KCNN2: variants seen among roughly 807,000 people sequenced by gnomAD.
KCNN2 encodes potassium calcium-activated channel subfamily N member 2.
KCNN2 carries 24 observed loss-of-function variants against 55.5 expected under a neutral mutation model. The observed-to-expected ratio is 0.43, with a 90% CI of 0.31 to 0.61. The LOEUF is 0.61. Ranked by LOEUF, KCNN2 falls within the 20% of genes least tolerant of loss-of-function variation. The pLI, the probability that KCNN2 is intolerant of heterozygous loss-of-function variation, is 0.08. For synonymous variants in KCNN2, 431 were observed against 336.1 expected (o/e 1.28, Z -3.09); for missense variants, 754 against 853.6 (o/e 0.88, Z 1.45).
chr5:114,470,318 AC>A (rs1761664391), intron 4 of KCNN2, among the ~76,000 whole-genome samples: 1 of 151,978 alleles, frequency 6.6e-6, no homozygotes, highest in African/African-American at 2.4e-5. Flanking sequence ...GTAGTTAGGA[AC>A]CCCTCAGGTT....
In KCNN2 at chr5:114,362,464, G is replaced by C. The variant is rs974469144; in HGVS notation, c.325G>C (p.Gly109Arg). The change falls in exon 1 of 8, where the codon GGC becomes CGC. Residue 109 changes from glycine to arginine, a missense_variant. Gly to Arg is a moderately radical substitution (Grantham distance 125). Transcript: ENST00000673685. ...GACCCGCACCTCCTCGCCGCTGTCG[G>C]GCTCGTCCTGCTGCTGCTGCTGCTG... Reference protein sequence around the residue: ...FRTRTSSPLSGSSCCCCCCSS... With the variant: ...FRTRTSSPLSRSSCCCCCCSS... 12 of 425,270 alleles carry C rather than the reference G, an allele frequency of 2.8e-5. No individual in the cohort carries two copies. Among genetic ancestry groups the C allele is most frequent in the Non-Finnish European group, 4.1e-5 (10 of 241,586 alleles). The allele number at this position is 425,270 out of a possible 1,614,324, so 26.3% of individuals were successfully genotyped here. A position where few individuals can be genotyped will look rare whatever the true frequency, so the allele number is the denominator to read the frequency against.
intron 2 of KCNN2, among the ~76,000 whole-genome samples, chr5:114,296,834 A>G (rs1756020742): frequency 6.6e-6 from 1 of 152,190 alleles, no homozygotes; most frequent in Admixed American, 6.5e-5. Flanking sequence ...TTAAAATGTG[A>G]CAATATATAT....
chr5:114,386,502 G>C (rs1758292459), intron 2 of KCNN2, among the ~76,000 whole-genome samples: 1 of 152,050 alleles, frequency 6.6e-6, no homozygotes, highest in Non-Finnish European at 1.5e-5. Flanking sequence ...TAGTAAAATG[G>C]CTTTCTTTTT....
chr5:114,450,351 G>A (rs947238855), intron 3 of KCNN2, among the ~76,000 whole-genome samples: 4 of 152,284 alleles, frequency 2.6e-5, no homozygotes, highest in African/African-American at 9.6e-5. Flanking sequence ...TTTCCTCTTG[G>A]AGGAGCTCAC....
intron 1 of KCNN2, among the ~76,000 whole-genome samples, chr5:114,204,547 G>A (rs577955635): frequency 2.0e-5 from 3 of 152,288 alleles, no homozygotes; most frequent in East Asian, 1.9e-4. Flanking sequence ...AGTACTTGGT[G>A]GTTACCACTT....
intron 1 of KCNN2, among the ~76,000 whole-genome samples, chr5:114,112,346 A>T (rs7723490): frequency 6.6e-6 from 1 of 151,920 alleles, no homozygotes; most frequent in Non-Finnish European, 1.5e-5. Context: ...GGGGCTGGGG[A>T]AGGGATGGCA....
At chr5:114,379,247 C>T (rs766606850) in intron 2 of KCNN2, among the ~76,000 whole-genome samples, 3 of 151,916 alleles carry the variant, frequency 2.0e-5, no homozygotes, top group Non-Finnish European at 2.9e-5. Context: ...GCCCATCTCC[C>T]CACACACTTG....
At chr5:114,088,005 C>A (rs1009678740) in intron 1 of KCNN2, among the ~76,000 whole-genome samples, 2 of 151,996 alleles carry the variant, frequency 1.3e-5, no homozygotes, top group Non-Finnish European at 2.9e-5. Flanking sequence ...CAGATTCTAT[C>A]TGATATTTTT....
chr5:114,075,651 A>C (rs940654983), intron 1 of KCNN2, among the ~76,000 whole-genome samples: 6 of 152,188 alleles, frequency 3.9e-5, no homozygotes, highest in Non-Finnish European at 7.3e-5. Context: ...GGCCATTATA[A>C]ATCCTATTAT....
At chr5:114,483,846 C>T (rs1185686666) in intron 5 of KCNN2, among the ~76,000 whole-genome samples, 1 of 151,748 alleles carries the variant, frequency 6.6e-6, no homozygotes, top group Non-Finnish European at 1.5e-5. Context: ...TGTTTATTGG[C>T]CATAGAATTA....
intron 1 of KCNN2, among the ~76,000 whole-genome samples, chr5:114,101,331 G>A (rs1426330290): frequency 6.7e-6 from 1 of 149,844 alleles, no homozygotes; most frequent in East Asian, 2.0e-4. Flanking sequence ...GATTATATTG[G>A]TCCTGGTGCA....
At chr5:114,184,391 A>G (rs1218588929) in intron 1 of KCNN2, among the ~76,000 whole-genome samples, 1 of 152,188 alleles carries the variant, frequency 6.6e-6, no homozygotes, top group East Asian at 1.9e-4. Context: ...ACTTAAATCA[A>G]AATATCATAA....
At chr5:114,388,416 C>T (rs898386051) in intron 2 of KCNN2, among the ~76,000 whole-genome samples, 5 of 152,136 alleles carry the variant, frequency 3.3e-5, no homozygotes, top group Non-Finnish European at 1.5e-5. Flanking sequence ...TTTTTCTGTA[C>T]AGTGTAACAA....
intron 2 of KCNN2, among the ~76,000 whole-genome samples, chr5:114,344,476 C>T (rs1186906718): frequency 1.3e-5 from 2 of 152,140 alleles, no homozygotes; most frequent in African/African-American, 2.4e-5. Flanking sequence ...GTATTAACAA[C>T]CTGGGAAGCT....
intron 2 of KCNN2, among the ~76,000 whole-genome samples, chr5:114,306,986 G>A (rs1435035648): frequency 1.3e-5 from 2 of 152,030 alleles, no homozygotes; most frequent in Admixed American, 1.3e-4. Flanking sequence ...TTACAGGTAT[G>A]AGCCACTTTA....
At chr5:114,225,367 A>G (rs1263821032) in intron 2 of KCNN2, among the ~76,000 whole-genome samples, 1 of 152,224 alleles carries the variant, frequency 6.6e-6, no homozygotes, top group Non-Finnish European at 1.5e-5. Context: ...AGAAGCATCA[A>G]GAAGGTGCAG....
chr5:114,448,994 C>T (rs1312359596), intron 3 of KCNN2, among the ~76,000 whole-genome samples: 1 of 152,160 alleles, frequency 6.6e-6, no homozygotes, highest in Non-Finnish European at 1.5e-5. Flanking sequence ...GATGTACGTC[C>T]TCCCTCGGCC....
Position 114,485,750 on chromosome 5 carries a change from T to C in KCNN2, c.1891-1300T>C, listed in dbSNP as rs571410323. Among the ~76,000 whole-genome samples the C allele has an allele frequency of 3.9e-4, 60 of 152,300 alleles. 2 individuals are homozygous for C. The South Asian group carries it at 0.012, about 29-fold the overall frequency. The stretch of plus-strand genomic sequence containing the variant: ...CCAGAGTCACTCCTAAAAGAAGCTT[T>C]ACTGTAAAAAGACCATTTTCTTAAA... On this transcript the variant is annotated intron_variant, in intron 5 of 7. Coordinates refer to ENST00000673685, the MANE Select transcript of KCNN2 (RefSeq NM_021614.4).
chr5:114,189,252 C>G (rs1224115844), intron 1 of KCNN2, among the ~76,000 whole-genome samples: 1 of 151,332 alleles, frequency 6.6e-6, no homozygotes, highest in Non-Finnish European at 1.5e-5. Context: ...AGGCAGAGAC[C>G]CAGGAGAGTC....
Sources: gnomAD v4.1 joint callset for allele counts (sites outside exome capture counted in the v4.1 genomes callset) on GRCh38, gnomAD v4.1.1 for gene constraint, MANE v1.5 for transcripts, NCBI Gene and HGNC (gene_info 2026-07-23, HGNC 2026-07-21) for gene names.